Variants in CFAP161 observed in about 807,000 individuals in gnomAD.
CFAP161 encodes cilia- and flagella-associated protein 161.
In CFAP161, 25 loss-of-function variants were observed where a neutral mutation model predicts 29.0. That is an observed-to-expected ratio of 0.86 (90% CI 0.63 to 1.20). The LOEUF (loss-of-function observed/expected upper bound fraction) is 1.20. Ranked by LOEUF, CFAP161 falls within the 50% of genes most tolerant of loss-of-function variation. The pLI, the probability that CFAP161 is intolerant of heterozygous loss-of-function variation, is 0.00. For synonymous variants in CFAP161, 116 were observed against 137.4 expected (o/e 0.84, Z 1.09); for missense variants, 367 against 371.9 (o/e 0.99, Z 0.11).
At position 81,135,359 on chromosome 15, in the gene CFAP161, G is replaced by A. The variant is rs200174749; in HGVS notation, c.159G>A (p.Pro53=). The A allele has an allele frequency of 1.2e-5, 19 of 1,575,198 alleles. No individual in the cohort carries two copies. In the East Asian group the frequency reaches 1.6e-4, roughly 13 times the overall value. The change falls in exon 2 of 7, where the codon CCG becomes CCA. Residue 53 remains proline (P), a splice_region_variant and synonymous_variant. Coordinates refer to ENST00000286732, the MANE Select transcript of CFAP161 (RefSeq NM_173528.4). The part of the protein sequence containing the change: ...SRRLKQNLLR[P]MQLSVTEDGY... ...GACTAAAACAGAATCTCTTGAGACCGGTAACTTTTTTTTTTTTTATTACAC... is the reference window on the plus strand; with the variant it reads ...GACTAAAACAGAATCTCTTGAGACCAGTAACTTTTTTTTTTTTTATTACAC...
At chr15:81,104,517 A>C (rs1056454679) in intron 1 of CFAP161, among the ~76,000 whole-genome samples, 1 of 152,244 alleles carries the variant, frequency 6.6e-6, no homozygotes, top group African/African-American at 2.4e-5. Flanking sequence ...AGTGGGACTT[A>C]GGCTGTGCCA....
intron 3 of CFAP161, among the ~76,000 whole-genome samples, chr15:81,137,534 T>C (rs1026722532): frequency 7.9e-5 from 12 of 152,176 alleles, no homozygotes; most frequent in African/African-American, 2.9e-4. Flanking sequence ...AGGTGGAGGT[T>C]GCAGTGAGCC....
intron 1 of CFAP161, among the ~76,000 whole-genome samples, chr15:81,113,832 A>G (rs1435791372): frequency 6.6e-6 from 1 of 152,146 alleles, no homozygotes; most frequent in African/African-American, 2.4e-5. Context: ...GTGGAGCTAA[A>G]AGTCTCCACT....
intron 1 of CFAP161, among the ~76,000 whole-genome samples, chr15:81,126,790 C>T (rs896473616): frequency 7.2e-5 from 11 of 152,188 alleles, no homozygotes; most frequent in Admixed American, 2.6e-4. Flanking sequence ...TTGGTTAGCA[C>T]GGAACTATTG....
upstream of CFAP161, among the ~76,000 whole-genome samples, chr15:81,130,729 A>G (rs995453459): frequency 1.3e-5 from 2 of 152,160 alleles, no homozygotes; most frequent in Non-Finnish European, 2.9e-5. Context: ...AAACAGAGAC[A>G]GACATTTGGC....
intron 1 of CFAP161, among the ~76,000 whole-genome samples, chr15:81,122,178 A>G (rs973196411): frequency 2.0e-5 from 3 of 152,262 alleles, no homozygotes; most frequent in Admixed American, 1.3e-4. Flanking sequence ...ATGAACATAC[A>G]CATGCATGTG....
chr15:81,131,241 A>T (rs1425420299), upstream of CFAP161, among the ~76,000 whole-genome samples: 1 of 152,152 alleles, frequency 6.6e-6, no homozygotes, highest in East Asian at 1.9e-4. Flanking sequence ...TCAACAAAAA[A>T]TCATGAGACC....
chr15:81,136,837 G>A, intron 3 of CFAP161, 89 bp downstream of exon 3: 1 of 1,046,596 alleles, frequency 9.6e-7, no homozygotes, highest in Non-Finnish European at 1.4e-6. Context: ...GCCACTGAGT[G>A]GAGGGAAAGG....
At chr15:81,115,633 T>G (rs1894488084) in intron 1 of CFAP161, among the ~76,000 whole-genome samples, 1 of 152,172 alleles carries the variant, frequency 6.6e-6, no homozygotes, top group Non-Finnish European at 1.5e-5. Context: ...AATAATTATA[T>G]GACAAAATTC....
intron 1 of CFAP161, among the ~76,000 whole-genome samples, chr15:81,100,706 T>A (rs201231294): frequency 8.9e-5 from 6 of 67,184 alleles, no homozygotes; most frequent in South Asian, 4.4e-4. Flanking sequence ...CTCTCTCTCT[T>A]TTTTTTTTTT....
upstream of CFAP161, among the ~76,000 whole-genome samples, chr15:81,130,478 A>C (rs928039991): frequency 1.9e-4 from 29 of 152,316 alleles, no homozygotes; most frequent in Admixed American, 1.6e-3. Context: ...AGGCAGGTGG[A>C]TCACAAGGTC....
intron 5 of CFAP161, among the ~76,000 whole-genome samples, chr15:81,145,175 A>G (rs1052424594): frequency 6.6e-6 from 1 of 152,252 alleles, no homozygotes; most frequent in Non-Finnish European, 1.5e-5. Flanking sequence ...CCGATGCAGC[A>G]TGCCTGTCCC....
chr15:81,135,358 C>T lies in CFAP161; in HGVS notation c.158C>T (p.Pro53Leu), dbSNP rs765921742. The T allele has an allele frequency of 1.7e-5, 26 of 1,575,078 alleles. No homozygotes were observed. Among genetic ancestry groups the T allele is most frequent in the South Asian group, 1.1e-4 (9 of 84,492 alleles). ...SRRLKQNLLR[P>L]MQLSVTEDGY... is the part of the protein sequence containing the mutation. ...AGACTAAAACAGAATCTCTTGAGAC[C>T]GGTAACTTTTTTTTTTTTTATTACA... The change falls in exon 2 of 7, where the codon CCG becomes CTG. Residue 53 changes from proline to leucine, a missense_variant and splice_region_variant. Transcript: ENST00000286732.
At chr15:81,147,125 C>CA (rs1895022023) in intron 5 of CFAP161, among the ~76,000 whole-genome samples, 1 of 151,718 alleles carries the variant, frequency 6.6e-6, no homozygotes, top group Non-Finnish European at 1.5e-5. Context: ...GCAGATTCAC[C>CA]GAGCACAAGA....
intron 5 of CFAP161, among the ~76,000 whole-genome samples, chr15:81,146,795 C>T (rs1274140373): frequency 7.2e-6 from 1 of 138,542 alleles, no homozygotes; most frequent in Non-Finnish European, 1.6e-5. Context: ...TCATGCAAAC[C>T]TGCCTCCCAT....
At chr15:81,103,193 G>A (rs899799940) in intron 1 of CFAP161, among the ~76,000 whole-genome samples, 1 of 152,204 alleles carries the variant, frequency 6.6e-6, no homozygotes, top group East Asian at 1.9e-4. Context: ...TGCAGTAAGT[G>A]AACAAAATAG....
In CFAP161 at chr15:81,136,600, G is replaced by A. The variant is rs1325880948; in HGVS notation, c.244G>A (p.Ala82Thr). The A allele has an allele frequency of 1.2e-6, 2 of 1,614,192 alleles. No homozygotes were observed. The highest frequency in any genetic ancestry group is 1.3e-5 in the African/African-American group (1 of 75,046). Residue 82 changes from alanine (A) to threonine (T), a missense_variant, in exon 3 of 7, where the codon GCT becomes ACT. Transcript: ENST00000286732. ...LVNPDDPDTEADVFLRGDLSL... is the reference protein window; with the variant it reads ...LVNPDDPDTETDVFLRGDLSL... Reference sequence around the variant, plus strand: ...GAATCCTGATGATCCTGACACAGAAGCTGATGTGTTTCTGCGTGGGGACCT... The same window carrying A: ...GAATCCTGATGATCCTGACACAGAAACTGATGTGTTTCTGCGTGGGGACCT...
intron 1 of CFAP161, among the ~76,000 whole-genome samples, chr15:81,102,975 G>C (rs1293731576): frequency 3.3e-5 from 5 of 152,170 alleles, no homozygotes; most frequent in Non-Finnish European, 7.4e-5. Context: ...GAGTCTGCCA[G>C]ACAAGCCTTT....
intron 6 of CFAP161, 111 bp downstream of exon 6, chr15:81,148,042 T>G (rs975317677): frequency 1.5e-5 from 13 of 892,348 alleles, no homozygotes; most frequent in Non-Finnish European, 2.2e-5. Flanking sequence ...AAATGTCCTT[T>G]GCTGATGAAA....
Sources: allele counts gnomAD v4.1 joint callset (sites outside exome capture counted in the v4.1 genomes callset), GRCh38; gene constraint gnomAD v4.1.1; transcripts MANE v1.5; gene names NCBI Gene and HGNC (gene_info 2026-07-23, HGNC 2026-07-21).